The following CADPS variants were observed in gnomAD, a reference collection of about 807,000 sequenced individuals.
CADPS encodes calcium-dependent secretion activator 1.
Under a neutral mutation model 167.3 loss-of-function variants are expected in CADPS, and 57 were observed. The observed-to-expected ratio is 0.34, with a 90% CI of 0.28 to 0.42. The LOEUF (loss-of-function observed/expected upper bound fraction) is 0.42, where lower values mean the gene tolerates loss of function less well. CADPS is among the 20% of genes least tolerant of loss of function. The pLI, the probability that CADPS is intolerant of heterozygous loss-of-function variation, is 1.00. For missense variants in CADPS, 1,414 were observed against 1,738.1 expected (o/e 0.81, Z 3.32); for synonymous variants, 676 against 635.3 (o/e 1.06, Z -0.96).
At chr3:62,663,966 C>A (rs73842992) in intron 3 of CADPS, among the ~76,000 whole-genome samples, 4,406 of 152,264 alleles carry the variant, frequency 0.029, 223 homozygotes, top group African/African-American at 0.098. Flanking sequence ...CTTCGAGAAG[C>A]TCTGCAGTAA....
intron 1 of CADPS, chr3:62,779,863 T>C (rs999960971): frequency 1.4e-4 from 31 of 226,876 alleles, no homozygotes; most frequent in African/African-American, 6.0e-4. Context: ...AGACAGTAGA[T>C]GGTACAGTGA....
rs115909176 is a variant in CADPS at position 62,721,607 on chromosome 3, A to G, written c.888+31834T>C. Among the ~76,000 whole-genome samples the G allele has an allele frequency of 9.4e-3, 1,425 of 152,274 alleles. 28 individuals are homozygous for G. The highest frequency in any genetic ancestry group is 0.032 in the African/African-American group (1,335 of 41,530). ...TCTGCTGCTTTACAACATTGTCAGT[A>G]TCTAGTTTGACAGATCTTTCCAACT... On this transcript the variant is annotated intron_variant, in intron 3 of 29. Coordinates refer to ENST00000383710, the MANE Select transcript of CADPS (RefSeq NM_003716.4).
Position 62,875,129 on chromosome 3 carries a change from C to A in CADPS, c.-100G>T. 3 of 1,330,870 alleles carry A rather than the reference C, an allele frequency of 2.3e-6. No homozygotes were observed. The highest frequency in any genetic ancestry group is 2.9e-6 in the Non-Finnish European group (3 of 1,028,530). The allele number at this position is 1,330,870 out of a possible 1,614,324, so 82.4% of individuals were successfully genotyped here. A position where few individuals can be genotyped will look rare whatever the true frequency, so the allele number is the denominator to read the frequency against. On this transcript the variant is annotated 5_prime_UTR_variant, in exon 1 of 30. Coordinates refer to ENST00000383710, the MANE Select transcript of CADPS (RefSeq NM_003716.4). ...GGGGATCAGCTCTCCCGGGTGGGCGCTTCTCCCCAGGTCAGGGAGCGAGAG... is the reference window on the plus strand; with the variant it reads ...GGGGATCAGCTCTCCCGGGTGGGCGATTCTCCCCAGGTCAGGGAGCGAGAG...
intron 13 of CADPS, among the ~76,000 whole-genome samples, chr3:62,519,671 G>T (rs997838070): frequency 6.6e-6 from 1 of 152,136 alleles, no homozygotes; most frequent in African/African-American, 2.4e-5. Context: ...CCAGGCTGGG[G>T]TGCAGCAGTG....
Position 62,601,763 on chromosome 3 carries a change from G to C in CADPS, c.1326-9015C>G, listed in dbSNP as rs186892642. On this transcript the variant is annotated intron_variant, in intron 6 of 29. Coordinates refer to ENST00000383710, the MANE Select transcript of CADPS (RefSeq NM_003716.4). This position sits in a 1 kb window ranked among gnomAD's most constrained non-coding sequence, Gnocchi z 4.3. The stretch of plus-strand genomic sequence containing the variant: ...GAGTAGCAGATGATTCATATTTAGG[G>C]GGATGGGGATGACTTTTAAAGTCAC... 6.6e-6 allele frequency among the ~76,000 whole-genome samples: 1 copy of C among 152,222 alleles called. No individual in the cohort carries two copies. The highest frequency in any genetic ancestry group is 1.9e-4 in the East Asian group (1 of 5,184).
At chr3:62,617,137 A>G (rs929228253) in intron 6 of CADPS, among the ~76,000 whole-genome samples, 2 of 152,092 alleles carry the variant, frequency 1.3e-5, no homozygotes, top group African/African-American at 4.8e-5. Context: ...GAACTGAGTA[A>G]TTACCTGAAC....
chr3:62,816,482 C>CA (rs1487746158), intron 1 of CADPS, among the ~76,000 whole-genome samples: 5 of 151,900 alleles, frequency 3.3e-5, no homozygotes, highest in African/African-American at 9.7e-5. Flanking sequence ...TTAACAACAA[C>CA]AAAAAAATCA....
chr3:62,730,863 T>C (rs1318511580), intron 3 of CADPS, among the ~76,000 whole-genome samples: 1 of 152,224 alleles, frequency 6.6e-6, no homozygotes, highest in Non-Finnish European at 1.5e-5. Context: ...ATTTGGCATA[T>C]GTATGAGATG....
chr3:62,782,189 C>T (rs1216152181), intron 1 of CADPS, among the ~76,000 whole-genome samples: 1 of 152,120 alleles, frequency 6.6e-6, no homozygotes, highest in Admixed American at 6.5e-5. Context: ...AAGACATTTC[C>T]CCCTTCTGGT....
At chr3:62,588,717 T>C (rs1024332499) in intron 7 of CADPS, among the ~76,000 whole-genome samples, 3 of 152,246 alleles carry the variant, frequency 2.0e-5, no homozygotes, top group Non-Finnish European at 2.9e-5. Flanking sequence ...AATTCATCCA[T>C]AGAGGATTTG....
intron 13 of CADPS, 144 bp downstream of exon 13, chr3:62,532,727 G>C: frequency 3.7e-6 from 2 of 537,658 alleles, no homozygotes; most frequent in Admixed American, 3.1e-5. Flanking sequence ...TTGTGTGTGT[G>C]TGTGTGTGTG....
chr3:62,554,906 C>T (rs2077870824), intron 10 of CADPS, among the ~76,000 whole-genome samples: 1 of 152,082 alleles, frequency 6.6e-6, no homozygotes, highest in Non-Finnish European at 1.5e-5. Context: ...GTGCGTGCCA[C>T]CACGTGCGGC....
At chr3:62,436,508 C>T (rs980211498) in intron 28 of CADPS, among the ~76,000 whole-genome samples, 18 of 152,222 alleles carry the variant, frequency 1.2e-4, no homozygotes, top group Non-Finnish European at 2.6e-4. Flanking sequence ...AGGGTCCTGC[C>T]TGTCTCTGTT....
Position 62,731,805 on chromosome 3 carries a change from C to CAAAAAAAAAAAAA in CADPS, c.888+21623_888+21635dup, listed in dbSNP as rs1212456893. 1.6e-3 allele frequency among the ~76,000 whole-genome samples: 43 copies of CAAAAAAAAAAAAA among 27,130 alleles called. 3 individuals are homozygous for CAAAAAAAAAAAAA. Among genetic ancestry groups the CAAAAAAAAAAAAA allele is most frequent in the Non-Finnish European group, 1.9e-3 (30 of 15,706 alleles). 17.8% of individuals were successfully genotyped at this position (27,130 alleles called of 152,430 possible). A position where few individuals can be genotyped will look rare whatever the true frequency, so the allele number is the denominator to read the frequency against. The stretch of plus-strand genomic sequence containing the variant: ...CCTGGTGAAAGAAACTGATCATATG[C>CAAAAAAAAAAAAA]AAAAAAAAAAAAAAAAAAAAAAAAA... On this transcript the variant is annotated intron_variant, in intron 3 of 29. Coordinates refer to ENST00000383710, the MANE Select transcript of CADPS (RefSeq NM_003716.4).
At chr3:62,432,322 AC>A (rs781140186) in intron 28 of CADPS, among the ~76,000 whole-genome samples, 4 of 152,194 alleles carry the variant, frequency 2.6e-5, no homozygotes, top group Non-Finnish European at 5.9e-5. Flanking sequence ...GAAATAATTG[AC>A]CCCAGGTTAG....
chr3:62,846,532 G>C (rs953487289), intron 1 of CADPS, among the ~76,000 whole-genome samples: 2 of 152,166 alleles, frequency 1.3e-5, no homozygotes, highest in African/African-American at 4.8e-5. Flanking sequence ...CTGAAGTACA[G>C]TCATGAGGAA....
chr3:62,802,573 T>G (rs1405956676), intron 1 of CADPS, among the ~76,000 whole-genome samples: 1 of 152,194 alleles, frequency 6.6e-6, no homozygotes, highest in Non-Finnish European at 1.5e-5. Context: ...AATCTCTGGC[T>G]GATGGATTTC....
intron 13 of CADPS, chr3:62,530,811 G>A (rs755548265): frequency 4.7e-6 from 6 of 1,267,502 alleles, no homozygotes; most frequent in Admixed American, 2.5e-5. Context: ...TGCATTTGTT[G>A]ACTTTGGAGA....
intron 4 of CADPS, among the ~76,000 whole-genome samples, chr3:62,652,094 T>C (rs2070304311): frequency 6.6e-6 from 1 of 152,132 alleles, no homozygotes; most frequent in Non-Finnish European, 1.5e-5. Flanking sequence ...GGCTCCCCTA[T>C]CTTCACAGAA....
Sources: gnomAD v4.1 joint callset for allele counts (sites outside exome capture counted in the v4.1 genomes callset) on GRCh38, gnomAD v4.1.1 for gene constraint, Gnocchi (gnomAD v3.1) non-coding constraint, MANE v1.5 for transcripts, NCBI Gene and HGNC (gene_info 2026-07-23, HGNC 2026-07-21) for gene names.